SNX18: variants seen among roughly 807,000 people sequenced by gnomAD.
The protein encoded by SNX18 is sorting nexin 18, also known as sorting nexin-18.
Under a neutral mutation model 48.7 loss-of-function variants are expected in SNX18, and 35 were observed. The ratio of observed to expected loss-of-function variants is 0.72; its 90% CI spans 0.55 to 0.95. The LOEUF is 0.95. SNX18 is among the 40% of genes least tolerant of loss of function. SNX18 has a pLI of 0.00. For synonymous variants in SNX18, 492 were observed against 384.7 expected, an observed-to-expected ratio of 1.28 and a Z score of -3.26; for missense variants, 824 against 871.0, an observed-to-expected ratio of 0.95 and a Z score of 0.68.
chr5:54,629,946 C>T, the SNX18 span, among the ~76,000 whole-genome samples: 1 of 152,150 alleles, frequency 6.6e-6, no homozygotes, highest in Non-Finnish European at 1.5e-5. Context: ...CCCTTAAGAA[C>T]AAGTAGGAAA....
At position 54,518,146 on chromosome 5, in the gene SNX18, G is replaced by A; in HGVS notation, c.194G>A (p.Gly65Asp). The change falls in exon 1 of 2, where the codon GGC (glycine) becomes GAC (aspartate). Residue 65 changes from glycine (G) to aspartate (D), a missense_variant. Transcript: ENST00000381410. ...YVQVIRAPEP[G>D]PAGDGGPGAP... ...CAGGTGATCCGCGCCCCCGAGCCTG[G>A]CCCGGCGGGAGACGGCGGCCCGGGC... is the stretch of plus-strand genomic sequence containing the variant. 1 of 1,404,876 alleles carries A rather than the reference G, an allele frequency of 7.1e-7. No individual in the cohort carries two copies. Among genetic ancestry groups the A allele is most frequent in the Non-Finnish European group, 9.2e-7 (1 of 1,085,664 alleles). 87.0% of individuals were successfully genotyped at this position (1,404,876 alleles called of 1,614,324 possible).
the SNX18 span, among the ~76,000 whole-genome samples, chr5:54,639,852 A>G: frequency 2.0e-5 from 3 of 152,190 alleles, no homozygotes; most frequent in African/African-American, 7.2e-5. Flanking sequence ...GAGGTTATGC[A>G]AGGGCATTAT....
chr5:54,625,511 C>A, the SNX18 span, among the ~76,000 whole-genome samples: 1 of 152,118 alleles, frequency 6.6e-6, no homozygotes, highest in Non-Finnish European at 1.5e-5. Flanking sequence ...AACTGGCTTC[C>A]CTCAGAGTGA....
chr5:54,532,277 G>T (rs1484847940), intron 1 of SNX18, among the ~76,000 whole-genome samples: 1 of 148,244 alleles, frequency 6.7e-6, no homozygotes, highest in Non-Finnish European at 1.5e-5. Flanking sequence ...TGTCGAAAGT[G>T]TTGGCAGCTT....
At position 54,544,802 on chromosome 5, in the gene SNX18, A is replaced by G. The variant is rs1372220788; in HGVS notation, c.*1370A>G. 6.6e-6 allele frequency: 1 copy of G among 152,168 alleles called. No individual in the cohort carries two copies. Among genetic ancestry groups the G allele is most frequent in the Non-Finnish European group, 1.5e-5 (1 of 68,020 alleles). The allele number at this position is 152,168 out of a possible 1,614,324, so 9.4% of individuals were successfully genotyped here. A position where few individuals can be genotyped will look rare whatever the true frequency, so the allele number is the denominator to read the frequency against. On this transcript the variant is annotated 3_prime_UTR_variant, in exon 2 of 2. Transcript: ENST00000381410. ...ACAGTGCCCCAATCTCAATGTTTTT[A>G]TAGTTGCTGAGCTAACTAATGTGAT...
At chr5:54,582,618 C>CA in the SNX18 span, among the ~76,000 whole-genome samples, 3 of 151,402 alleles carry the variant, frequency 2.0e-5, no homozygotes, top group African/African-American at 7.3e-5. Context: ...AACCAAAAAA[C>CA]AAAAAAACAA....
At chr5:54,603,231 AATAT>A in the SNX18 span, among the ~76,000 whole-genome samples, 12 of 113,806 alleles carry the variant, frequency 1.1e-4, no homozygotes, top group African/African-American at 1.4e-4. Flanking sequence ...ATTATTTAAA[AATAT>A]ATATATATAT....
At chr5:54,525,535 C>G (rs1026407255) in intron 1 of SNX18, among the ~76,000 whole-genome samples, 1 of 152,152 alleles carries the variant, frequency 6.6e-6, no homozygotes. Context: ...TTAATCAGTT[C>G]GCCCTGTATT....
At chr5:54,522,328 T>C (rs1156570990) in intron 1 of SNX18, among the ~76,000 whole-genome samples, 3 of 152,132 alleles carry the variant, frequency 2.0e-5, no homozygotes, top group Non-Finnish European at 4.4e-5. Flanking sequence ...ACACTTGAAA[T>C]ATGGCTAATG....
chr5:54,558,494 C>T, the SNX18 span, among the ~76,000 whole-genome samples: 2 of 152,136 alleles, frequency 1.3e-5, no homozygotes, highest in African/African-American at 4.8e-5. Context: ...AGCCCCTGAC[C>T]ATACATTACT....
At chr5:54,526,827 A>C (rs899515998) in intron 1 of SNX18, among the ~76,000 whole-genome samples, 1 of 152,178 alleles carries the variant, frequency 6.6e-6, no homozygotes, top group African/African-American at 2.4e-5. Context: ...ACAGTAGAGC[A>C]GGGAAAGAGG....
chr5:54,546,128 A>T lies in SNX18; in HGVS notation c.*2696A>T, dbSNP rs1561124354. On this transcript the variant is annotated 3_prime_UTR_variant, in exon 2 of 2. Transcript: ENST00000381410. ...AGTGAAATGTAAAGCCAGTGCACGA[A>T]TATTATAGTAATTGAGATTTTCCCA... The T allele has an allele frequency of 6.6e-6, 1 of 152,212 alleles. No individual in the cohort carries two copies. Among genetic ancestry groups the T allele is most frequent in the Non-Finnish European group, 1.5e-5 (1 of 68,040 alleles). 9.4% of individuals were successfully genotyped at this position (152,212 alleles called of 1,614,324 possible). A position where few individuals can be genotyped will look rare whatever the true frequency, so the allele number is the denominator to read the frequency against.
chr5:54,576,059 TATGTC>T, the SNX18 span, among the ~76,000 whole-genome samples: 1 of 152,154 alleles, frequency 6.6e-6, no homozygotes, highest in Non-Finnish European at 1.5e-5. Context: ...TAATCTATCT[TATGTC>T]AGTTTATTAG....
At chr5:54,574,723 G>A in the SNX18 span, among the ~76,000 whole-genome samples, 1 of 152,294 alleles carries the variant, frequency 6.6e-6, no homozygotes, top group East Asian at 1.9e-4. Flanking sequence ...AGCAGGCTCT[G>A]AGATGACTTG....
the SNX18 span, among the ~76,000 whole-genome samples, chr5:54,588,772 C>A: frequency 6.6e-6 from 1 of 152,106 alleles, no homozygotes; most frequent in Non-Finnish European, 1.5e-5. Context: ...CCACTGAAAA[C>A]CCAGCTTTGC....
Position 54,519,150 on chromosome 5 carries a change from G to T in SNX18, c.1198G>T (p.Asp400Tyr). 1.9e-6 allele frequency: 3 copies of T among 1,613,998 alleles called. No individual in the cohort carries two copies. The highest frequency in any genetic ancestry group is 2.5e-6 in the Non-Finnish European group (3 of 1,179,926). The change falls in exon 1 of 2, where the codon GAC becomes TAC. Residue 400 changes from aspartate to tyrosine, a missense_variant. Around this residue, in one of 3 missense-constraint regions of SNX18, gnomAD observed 443 missense variants for 503.6 expected, o/e 0.88. Coordinates refer to ENST00000381410, the MANE Select transcript of SNX18 (RefSeq NM_001102575.2). ...WKQGKRKAEK[D>Y]EMVGANFFLT... ...GCAGGGCAAGAGGAAGGCCGAGAAG[G>T]ACGAGATGGTGGGCGCCAACTTCTT...
chr5:54,633,425 A>G, the SNX18 span, among the ~76,000 whole-genome samples: 1 of 152,148 alleles, frequency 6.6e-6, no homozygotes, highest in Non-Finnish European at 1.5e-5. Flanking sequence ...TGGGTGACTG[A>G]ATGAAGCTGG....
the SNX18 span, among the ~76,000 whole-genome samples, chr5:54,582,970 A>C: frequency 6.6e-6 from 1 of 152,200 alleles, no homozygotes. Flanking sequence ...ACCTTCCCTG[A>C]GTCAGTATAG....
the SNX18 span, among the ~76,000 whole-genome samples, chr5:54,633,160 C>T: frequency 9.7e-4 from 147 of 152,118 alleles, no homozygotes; most frequent in African/African-American, 3.4e-3. Flanking sequence ...GCCTGGTGAA[C>T]GTGAATCGGA....
Sources: allele counts gnomAD v4.1 joint callset (sites outside exome capture counted in the v4.1 genomes callset), GRCh38; gene constraint gnomAD v4.1.1; regional missense constraint gnomAD v4.1.1; transcripts MANE v1.5; gene names NCBI Gene and HGNC (gene_info 2026-07-23, HGNC 2026-07-21).